The following BBS7 variants were observed in gnomAD, a reference collection of about 807,000 sequenced individuals.
The protein encoded by BBS7 is Bardet-Biedl syndrome 7.
Under a neutral mutation model 90.3 loss-of-function variants are expected in BBS7, and 50 were observed. That is an observed-to-expected ratio of 0.55 (90% CI 0.44 to 0.70). The LOEUF is 0.70. BBS7 is among the 30% of genes least tolerant of loss of function. The probability of loss-of-function intolerance (pLI) is 0.00; values close to 1 mark genes in which losing one functional copy is unlikely to be tolerated. For synonymous variants in BBS7, 235 were observed against 287.4 expected (o/e 0.82, Z 1.85); for missense variants, 729 against 838.9 (o/e 0.87, Z 1.62).
In BBS7 at chr4:121,824,771, A is replaced by AT. The variant is rs1483230546; in HGVS notation, c.*1088dup. 1.3e-5 allele frequency: 2 copies of AT among 151,614 alleles called. No individual in the cohort carries two copies. The highest frequency in any genetic ancestry group is 4.8e-5 in the African/African-American group (2 of 41,368). The allele number at this position is 151,614 out of a possible 1,614,324, so 9.4% of individuals were successfully genotyped here. A position where few individuals can be genotyped will look rare whatever the true frequency, so the allele number is the denominator to read the frequency against. On this transcript the variant is annotated 3_prime_UTR_variant, in exon 19 of 19. Transcript: ENST00000264499. This position sits in a 1 kb window ranked among gnomAD's most constrained non-coding sequence, Gnocchi z 4.1. ...TCTTAACTATACGTGCCTTTAACAAATTTTTATATTTATATATAAATATAA... is the reference window on the plus strand; with the variant it reads ...TCTTAACTATACGTGCCTTTAACAAATTTTTTATATTTATATATAAATATAA...
intron 15 of BBS7, among the ~76,000 whole-genome samples, chr4:121,831,632 T>C (rs1725188012): frequency 6.6e-6 from 1 of 152,096 alleles, no homozygotes; most frequent in African/African-American, 2.4e-5. Flanking sequence ...ATGTGTGAGG[T>C]TCATTGTGGT....
In BBS7 at chr4:121,847,720, A is replaced by AT. The variant is rs138600293; in HGVS notation, c.935-215dup. Among the ~76,000 whole-genome samples the AT allele has an allele frequency of 0.049, 7,285 of 149,238 alleles. 545 individuals carry two copies. The highest frequency in any genetic ancestry group is 0.16 in the African/African-American group (6,654 of 40,850). ...AATTACTTAAGCATTTCACGATATC[A>AT]TTTTTTTTTTGCCTGAAATACTGTA... On this transcript the variant is annotated intron_variant, in intron 9 of 18. Coordinates refer to ENST00000264499, the MANE Select transcript of BBS7 (RefSeq NM_176824.3).
intron 12 of BBS7, among the ~76,000 whole-genome samples, chr4:121,842,856 G>A (rs1318193681): frequency 2.0e-5 from 3 of 151,996 alleles, no homozygotes; most frequent in African/African-American, 4.8e-5. Context: ...ACTGCTTATC[G>A]GCTAGTACTA....
chr4:121,827,736 T>A (rs1237473835), intron 18 of BBS7: 13 of 902,242 alleles, frequency 1.4e-5, no homozygotes, highest in South Asian at 9.8e-5. Flanking sequence ...ATACTGTATA[T>A]CCTTTATTAA....
At chr4:121,866,860 A>C (rs1727306326) in intron 2 of BBS7, among the ~76,000 whole-genome samples, 1 of 151,980 alleles carries the variant, frequency 6.6e-6, no homozygotes, top group Non-Finnish European at 1.5e-5. Context: ...GAGATCTGGT[A>C]GTGTAATGCC....
At chr4:121,861,985 C>G (rs1023616267) in intron 3 of BBS7, among the ~76,000 whole-genome samples, 1 of 152,162 alleles carries the variant, frequency 6.6e-6, no homozygotes, top group Non-Finnish European at 1.5e-5. Flanking sequence ...TGCAGCAGAT[C>G]AACTGAATGA....
intron 11 of BBS7, 146 bp downstream of exon 11, chr4:121,845,358 A>C: frequency 2.4e-6 from 1 of 423,104 alleles, no homozygotes; most frequent in Admixed American, 4.4e-5. Flanking sequence ...ACAGAGTAAA[A>C]CTCTGTCTCA....
chr4:121,854,673 C>T (rs1438636066), intron 7 of BBS7, 31 bp downstream of exon 7: 7 of 1,600,286 alleles, frequency 4.4e-6, no homozygotes, highest in East Asian at 2.3e-5. Context: ...ATCATTGACA[C>T]CTCAGAATCT....
In BBS7 at chr4:121,825,669, CT is replaced by C. The variant is rs1218734184; in HGVS notation, c.*190del. 1 of 482,842 alleles carries C rather than the reference CT, an allele frequency of 2.1e-6. No individual in the cohort carries two copies. The highest frequency in any genetic ancestry group is 3.5e-5 in the East Asian group (1 of 28,414). 29.9% of individuals were successfully genotyped at this position (482,842 alleles called of 1,614,324 possible). A position where few individuals can be genotyped will look rare whatever the true frequency, so the allele number is the denominator to read the frequency against. On this transcript the variant is annotated 3_prime_UTR_variant, in exon 19 of 19. Transcript: ENST00000264499. ...CTTGTGTTTTAAAAATAAAAAGACT[CT>C]TTTAGTTTTAGAAAGTTCAATTTGT...
chr4:121,856,531 A>G (rs1457783442), intron 5 of BBS7, among the ~76,000 whole-genome samples: 1 of 152,042 alleles, frequency 6.6e-6, no homozygotes, highest in Non-Finnish European at 1.5e-5. Flanking sequence ...CCTGACCAAC[A>G]TGGTGAAACC....
intron 5 of BBS7, chr4:121,858,581 T>C: frequency 5.3e-6 from 1 of 187,454 alleles, no homozygotes; most frequent in Admixed American, 5.6e-5. Context: ...TTCCATATAC[T>C]TCCATAAACA....
At chr4:121,859,563 AC>A (rs1726867942) in intron 4 of BBS7, among the ~76,000 whole-genome samples, 2 of 152,260 alleles carry the variant, frequency 1.3e-5, no homozygotes, top group South Asian at 4.1e-4. Flanking sequence ...AATCATCATA[AC>A]TCTATAAAAT....
chr4:121,824,784 T>C lies in BBS7; in HGVS notation c.*1076A>G, dbSNP rs1724831194. The C allele has an allele frequency of 6.6e-6, 1 of 151,658 alleles. No homozygotes were observed. The highest frequency in any genetic ancestry group is 2.4e-5 in the African/African-American group (1 of 41,370). 9.4% of individuals were successfully genotyped at this position (151,658 alleles called of 1,614,324 possible). ...TGCCTTTAACAAATTTTTATATTTA[T>C]ATATAAATATAAGAATATACAAAGC... On this transcript the variant is annotated 3_prime_UTR_variant, in exon 19 of 19. Transcript: ENST00000264499. This position sits in a 1 kb window ranked among gnomAD's most constrained non-coding sequence, Gnocchi z 4.1.
At chr4:121,839,244 A>C (rs72680764) in intron 13 of BBS7, among the ~76,000 whole-genome samples, 4,656 of 152,212 alleles carry the variant, frequency 0.031, 107 homozygotes, top group Middle Eastern at 0.054. Context: ...AATTTGAAAA[A>C]AATTTTTCAG....
chr4:121,838,577 G>C (rs753781336), intron 13 of BBS7, among the ~76,000 whole-genome samples: 6 of 152,074 alleles, frequency 3.9e-5, no homozygotes, highest in Non-Finnish European at 8.8e-5. Flanking sequence ...TAGAATGTAT[G>C]GTAATAAATG....
In BBS7 at chr4:121,855,914, A is replaced by G. The variant is rs184622291; in HGVS notation, c.529-353T>C. On this transcript the variant is annotated intron_variant, in intron 5 of 18. Coordinates refer to ENST00000264499, the MANE Select transcript of BBS7 (RefSeq NM_176824.3). ...CATACATGTATGTGTATATATGTAT[A>G]TATGTGTACATGTACATGTGTATAT... Among the ~76,000 whole-genome samples, 1,053 of 130,092 alleles carry G rather than the reference A, an allele frequency of 8.1e-3. 10 individuals carry two copies. The highest frequency in any genetic ancestry group is 0.04 in the African/African-American group (1,013 of 25,604). 85.3% of individuals were successfully genotyped at this position (130,092 alleles called of 152,430 possible).
intron 11 of BBS7, 78 bp downstream of exon 11, chr4:121,845,426 T>G (rs1725956836): frequency 2.3e-6 from 2 of 873,806 alleles, no homozygotes; most frequent in African/African-American, 3.5e-5. Context: ...CTAAAAATGT[T>G]CAATAATAAT....
chr4:121,845,442 CAT>C, intron 11 of BBS7, 60 bp downstream of exon 11: 1 of 1,130,892 alleles, frequency 8.8e-7, no homozygotes, highest in South Asian at 1.3e-5. Context: ...ATAATTAGTA[CAT>C]ATGACTGGTT....
chr4:121,870,177 A>C, intron 1 of BBS7, 101 bp downstream of exon 1: 1 of 1,506,614 alleles, frequency 6.6e-7, no homozygotes, highest in South Asian at 1.1e-5. Context: ...TCGCCTCCGC[A>C]CCAGCTCCTG....
Sources: gnomAD v4.1 joint callset for allele counts (sites outside exome capture counted in the v4.1 genomes callset) on GRCh38, gnomAD v4.1.1 for gene constraint, Gnocchi (gnomAD v3.1) non-coding constraint, MANE v1.5 for transcripts, NCBI Gene and HGNC (gene_info 2026-07-23, HGNC 2026-07-21) for gene names.